EPB41L4B: variants seen among roughly 807,000 people sequenced by gnomAD.
EPB41L4B encodes the protein erythrocyte membrane protein band 4.1 like 4B, also known as band 4.1-like protein 4B.
EPB41L4B carries 30 observed loss-of-function variants against 112.5 expected under a neutral mutation model. That is an observed-to-expected ratio of 0.27 (90% CI 0.20 to 0.36). The LOEUF is 0.36. Ranked by LOEUF, EPB41L4B falls within the 10% of genes least tolerant of loss-of-function variation. EPB41L4B has a pLI of 1.00. For missense variants in EPB41L4B, 1,024 were observed against 1,133.3 expected, an observed-to-expected ratio of 0.90 and a Z score of 1.38; for synonymous variants, 408 against 439.7, an observed-to-expected ratio of 0.93 and a Z score of 0.90.
intron 20 of EPB41L4B, among the ~76,000 whole-genome samples, chr9:109,194,960 C>T (rs1425173024): frequency 1.3e-5 from 2 of 152,202 alleles, no homozygotes; most frequent in Non-Finnish European, 2.9e-5. Flanking sequence ...TTGTAGCATA[C>T]ATCAAAATTT....
intron 1 of EPB41L4B, among the ~76,000 whole-genome samples, chr9:109,312,181 G>A (rs891096324): frequency 3.3e-5 from 5 of 152,172 alleles, no homozygotes; most frequent in African/African-American, 9.7e-5. Flanking sequence ...TATACACCAC[G>A]CTTATAAACA....
intron 1 of EPB41L4B, among the ~76,000 whole-genome samples, chr9:109,297,580 C>T (rs1836782184): frequency 6.6e-6 from 1 of 152,368 alleles, no homozygotes; most frequent in Non-Finnish European, 1.5e-5. Context: ...CGGCTGTCCA[C>T]CGGCAAAGCC....
intron 15 of EPB41L4B, among the ~76,000 whole-genome samples, chr9:109,219,400 G>A (rs1462245827): frequency 2.6e-5 from 4 of 151,938 alleles, no homozygotes; most frequent in Non-Finnish European, 4.4e-5. Flanking sequence ...TCGCTCTGTC[G>A]CCCAGGCTAG....
chr9:109,256,216 A>G lies in EPB41L4B; in HGVS notation c.849T>C (p.Asp283=), dbSNP rs1834977680. The G allele has an allele frequency of 1.2e-6, 2 of 1,613,954 alleles. No homozygotes were observed. Among genetic ancestry groups the G allele is most frequent in the South Asian group, 2.2e-5 (2 of 91,080 alleles). ...TCAGTCCAAGAGAATATTCACAGCC[A>G]TCTCTTCCCTACAAACAAACGAAGT... ...GVDMHVVRGR[D]GCEYSLGLTP... is the part of the protein sequence containing the mutation. Residue 283 remains aspartate (D), a synonymous_variant, in exon 9 of 26, where the codon GAT becomes GAC. Transcript: ENST00000374566.
rs769804261 is a variant in EPB41L4B, at chr9:109,219,565, T to C, written c.1410-2420A>G. Among the ~76,000 whole-genome samples the C allele has an allele frequency of 1.1e-4, 17 of 152,102 alleles. 1 individual carries two copies. Among genetic ancestry groups the C allele is most frequent in the Non-Finnish European group, 4.4e-5 (3 of 68,028 alleles). On this transcript the variant is annotated intron_variant, in intron 15 of 25. Coordinates refer to ENST00000374566, the MANE Select transcript of EPB41L4B (RefSeq NM_019114.5). Reference sequence around the variant, plus strand: ...TTAATAGAGATGGGGTTTCACCGTGTTAGCCAGGACGGTCTCGATCTCCTG... The same window carrying C: ...TTAATAGAGATGGGGTTTCACCGTGCTAGCCAGGACGGTCTCGATCTCCTG...
rs536867903 is a variant in EPB41L4B, at chr9:109,247,177, T to G, written c.1344+579A>C. 4.0e-3 allele frequency among the ~76,000 whole-genome samples: 602 copies of G among 151,682 alleles called. 8 individuals are homozygous for G. Among genetic ancestry groups the G allele is most frequent in the African/African-American group, 0.013 (536 of 41,390 alleles). On this transcript the variant is annotated intron_variant, in intron 14 of 25. Coordinates refer to ENST00000374566, the MANE Select transcript of EPB41L4B (RefSeq NM_019114.5). ...CACCGTGCCAGCTCAAGACTAGTTT[T>G]TTTTTTTTTTTTTTTAATCAGGGGC...
intron 19 of EPB41L4B, among the ~76,000 whole-genome samples, chr9:109,202,952 C>T (rs1370657832): frequency 2.6e-5 from 4 of 152,080 alleles, no homozygotes; most frequent in African/African-American, 9.7e-5. Flanking sequence ...GTCAGGAGTT[C>T]AAGACCAGCC....
chr9:109,302,888 G>C (rs944801378), intron 1 of EPB41L4B, among the ~76,000 whole-genome samples: 1 of 152,004 alleles, frequency 6.6e-6, no homozygotes, highest in Non-Finnish European at 1.5e-5. Context: ...AAGAGACAGT[G>C]TAATATAAAG....
At chr9:109,238,168 T>C (rs1398129466) in intron 15 of EPB41L4B, among the ~76,000 whole-genome samples, 1 of 152,140 alleles carries the variant, frequency 6.6e-6, no homozygotes, top group East Asian at 1.9e-4. Flanking sequence ...AAGTGACACA[T>C]GCAAAGCCTA....
chr9:109,249,846 T>C (rs1402469472), intron 13 of EPB41L4B, among the ~76,000 whole-genome samples: 2 of 152,214 alleles, frequency 1.3e-5, no homozygotes, highest in Non-Finnish European at 2.9e-5. Flanking sequence ...ACAGGACCCC[T>C]GAGCCCCTTC....
chr9:109,244,237 CA>C (rs943419431), intron 14 of EPB41L4B, among the ~76,000 whole-genome samples: 1 of 151,362 alleles, frequency 6.6e-6, no homozygotes, highest in African/African-American at 2.4e-5. Flanking sequence ...AAATGCAATC[CA>C]AAACAAAATA....
intron 21 of EPB41L4B, 49 bp downstream of exon 21, chr9:109,194,171 A>G: frequency 6.3e-7 from 1 of 1,582,786 alleles, no homozygotes. Flanking sequence ...ATTGATACTG[A>G]ATTCCCAGCA....
chr9:109,237,079 C>G (rs1389278738), intron 15 of EPB41L4B, among the ~76,000 whole-genome samples: 1 of 152,206 alleles, frequency 6.6e-6, no homozygotes, highest in Non-Finnish European at 1.5e-5. Flanking sequence ...CAAAAAGACT[C>G]TGTCATTACT....
intron 18 of EPB41L4B, among the ~76,000 whole-genome samples, chr9:109,204,889 T>C (rs575421332): frequency 7.2e-5 from 11 of 152,306 alleles, no homozygotes; most frequent in African/African-American, 2.4e-4. Context: ...CTGATGCCAA[T>C]AGGGGATTAA....
At chr9:109,303,408 C>T (rs1474885172) in intron 1 of EPB41L4B, among the ~76,000 whole-genome samples, 2 of 152,208 alleles carry the variant, frequency 1.3e-5, no homozygotes, top group Admixed American at 6.5e-5. Flanking sequence ...TGCAGTGGCG[C>T]GATCTCGACT....
chr9:109,207,415 T>C (rs772817161), intron 18 of EPB41L4B, among the ~76,000 whole-genome samples: 6 of 151,782 alleles, frequency 4.0e-5, no homozygotes, highest in Non-Finnish European at 7.4e-5. Context: ...ATAAAAAAAA[T>C]ACAAAAATTA....
At chr9:109,185,340 C>T in intron 23 of EPB41L4B, 149 bp downstream of exon 23, 1 of 645,436 alleles carries the variant, frequency 1.5e-6, no homozygotes, top group East Asian at 2.8e-5. Context: ...ACTCCAAATC[C>T]TCCATCCATC....
At chr9:109,267,361 T>C (rs1835445284) in intron 4 of EPB41L4B, 112 bp downstream of exon 4, 1 of 653,202 alleles carries the variant, frequency 1.5e-6, no homozygotes, top group Non-Finnish European at 2.7e-6. Context: ...TAACTCTTGC[T>C]GAGAAATAGA....
At chr9:109,273,855 C>G (rs578189322) in intron 2 of EPB41L4B, among the ~76,000 whole-genome samples, 60 of 152,348 alleles carry the variant, frequency 3.9e-4, no homozygotes, top group African/African-American at 1.4e-3. Flanking sequence ...TTTATACTCT[C>G]CTATGTCCCC....
Sources: allele counts gnomAD v4.1 joint callset (sites outside exome capture counted in the v4.1 genomes callset), GRCh38; gene constraint gnomAD v4.1.1; transcripts MANE v1.5; gene names NCBI Gene and HGNC (gene_info 2026-07-23, HGNC 2026-07-21).